Variants in VPS13B observed in about 807,000 individuals in gnomAD.
VPS13B encodes intermembrane lipid transfer protein VPS13B.
Under a neutral mutation model 426.4 loss-of-function variants are expected in VPS13B, and 285 were observed. That is an observed-to-expected ratio of 0.67 (90% CI 0.61 to 0.74). VPS13B has a LOEUF of 0.74. Among genes scored for constraint, VPS13B ranks in the 30% least tolerant of loss-of-function variants. The pLI is 0.00. For synonymous variants in VPS13B, 1,676 were observed against 1,676.4 expected (o/e 1.00, Z 0.01); for missense variants, 4,537 against 4,782.6 (o/e 0.95, Z 1.51).
intron 3 of VPS13B, among the ~76,000 whole-genome samples, chr8:99,089,246 G>T (rs926949387): frequency 6.6e-6 from 1 of 152,156 alleles, no homozygotes; most frequent in Non-Finnish European, 1.5e-5. Context: ...GTCTTTAGCA[G>T]TATGTGACAT....
At chr8:99,832,008 C>T (rs921600791) in intron 51 of VPS13B, among the ~76,000 whole-genome samples, 3 of 152,272 alleles carry the variant, frequency 2.0e-5, no homozygotes, top group Middle Eastern at 3.4e-3. Context: ...CGCCTGTAAT[C>T]CCAGCACTTT....
At chr8:99,377,774 A>G (rs1813566727) in intron 19 of VPS13B, among the ~76,000 whole-genome samples, 1 of 152,186 alleles carries the variant, frequency 6.6e-6, no homozygotes, top group South Asian at 2.1e-4. Context: ...CCTGAGCTGT[A>G]AAACCAGCAA....
chr8:99,720,737 T>G (rs1014029301), intron 38 of VPS13B, 126 bp from the exon 39 acceptor site: 2 of 1,119,084 alleles, frequency 1.8e-6, no homozygotes, highest in Non-Finnish European at 2.6e-6. Flanking sequence ...TGTTCCAGAA[T>G]ATATATAAAA....
rs757187342 is a variant in VPS13B at position 99,303,258 on chromosome 8, C to CAAAAAA, written c.2824+28020_2824+28025dup. On this transcript the variant is annotated intron_variant, in intron 19 of 61. Transcript: ENST00000357162. ...TTGCGCCACTGCACTCAGCCTGTCTCAAAAAAAAAAAAAAAAAAAAAGGAA... is the reference window on the plus strand; with the variant it reads ...TTGCGCCACTGCACTCAGCCTGTCTCAAAAAAAAAAAAAAAAAAAAAAAAAAAGGAA... Among the ~76,000 whole-genome samples, 250 of 56,930 alleles carry CAAAAAA rather than the reference C, an allele frequency of 4.4e-3. 7 individuals carry two copies. The highest frequency in any genetic ancestry group is 7.4e-3 in the African/African-American group (93 of 12,582). 37.3% of individuals were successfully genotyped at this position (56,930 alleles called of 152,430 possible).
At chr8:99,200,917 T>A (rs1164417691) in intron 17 of VPS13B, among the ~76,000 whole-genome samples, 1 of 152,120 alleles carries the variant, frequency 6.6e-6, no homozygotes, top group African/African-American at 2.4e-5. Flanking sequence ...CATTGGACCT[T>A]GTTATCATTT....
intron 17 of VPS13B, among the ~76,000 whole-genome samples, chr8:99,206,376 T>A (rs549325320): frequency 4.6e-5 from 7 of 152,300 alleles, no homozygotes; most frequent in African/African-American, 1.7e-4. Context: ...CAACATTTCA[T>A]GTGGGATACC....
intron 30 of VPS13B, among the ~76,000 whole-genome samples, chr8:99,544,285 G>A (rs1488350883): frequency 2.0e-5 from 3 of 152,094 alleles, no homozygotes; most frequent in African/African-American, 7.2e-5. Context: ...GACACAGGGT[G>A]GGGAACATCA....
chr8:99,641,771 T>C (rs768742591), intron 33 of VPS13B, 40 bp from the exon 34 acceptor site: 2 of 1,565,120 alleles, frequency 1.3e-6, no homozygotes, highest in Admixed American at 1.7e-5. Context: ...ACACTTGGCA[T>C]GTAACTAGTT....
At position 99,507,159 on chromosome 8, in the gene VPS13B, G is replaced by A; in HGVS notation, c.4180G>A (p.Gly1394Arg). Reference sequence around the variant, plus strand: ...CAGGCCAGGGGAAGGTTGGCAGTCAGGACATTTTGAAGGAGTATTTCTACA... The same window carrying A: ...CAGGCCAGGGGAAGGTTGGCAGTCAAGACATTTTGAAGGAGTATTTCTACA... ...RSRPGEGWQSGHFEGVFLQCK... is the reference protein window; with the variant it reads ...RSRPGEGWQSRHFEGVFLQCK... Residue 1394 changes from glycine (G) to arginine (R), a missense_variant, in exon 28 of 62, where the codon GGA becomes AGA. By Grantham distance (125) the Gly-to-Arg change is moderately radical (BLOSUM62 -2). This residue lies in a region of VPS13B where 4,311 missense variants were observed against 4,474.3 expected (regional missense o/e 0.96). Transcript: ENST00000357162. The A allele has an allele frequency of 6.2e-7, 1 of 1,613,974 alleles. No homozygotes were observed. The highest frequency in any genetic ancestry group is 1.1e-5 in the South Asian group (1 of 91,078).
intron 30 of VPS13B, among the ~76,000 whole-genome samples, chr8:99,541,812 T>C (rs977850510): frequency 6.6e-6 from 1 of 152,210 alleles, no homozygotes; most frequent in African/African-American, 2.4e-5. Flanking sequence ...TTCTCAGCTT[T>C]ATTAATTCCT....
chr8:99,836,444 T>G (rs1205680754), intron 54 of VPS13B, among the ~76,000 whole-genome samples: 1 of 105,928 alleles, frequency 9.4e-6, no homozygotes, highest in Non-Finnish European at 1.7e-5. Flanking sequence ...CATCCCCTGG[T>G]AGCTCTCTTC....
intron 33 of VPS13B, among the ~76,000 whole-genome samples, chr8:99,620,495 G>A (rs1828301280): frequency 6.6e-6 from 1 of 152,116 alleles, no homozygotes; most frequent in South Asian, 2.1e-4. Flanking sequence ...AATAAAGGGT[G>A]GGAGGGAAAG....
intron 12 of VPS13B, among the ~76,000 whole-genome samples, chr8:99,139,195 A>T (rs933045016): frequency 2.0e-5 from 3 of 152,172 alleles, no homozygotes; most frequent in African/African-American, 7.2e-5. Flanking sequence ...AGCATCCAGT[A>T]AGCCTCCTAT....
chr8:99,652,788 T>C (rs764081933), intron 34 of VPS13B, among the ~76,000 whole-genome samples: 1 of 152,176 alleles, frequency 6.6e-6, no homozygotes, highest in Non-Finnish European at 1.5e-5. Context: ...GTCATAATGA[T>C]CACACTCTGA....
In VPS13B at chr8:99,479,173, G is replaced by C. The variant is rs1464281907; in HGVS notation, c.3667-2426G>C. 2.0e-5 allele frequency among the ~76,000 whole-genome samples: 3 copies of C among 151,980 alleles called. No individual in the cohort carries two copies. In the East Asian group the frequency reaches 5.8e-4, roughly 29 times the overall value. ...CCTGCGCTTGGCTTTTGTTCATTCTGTATTTCTGAGTAGAATGACTTTGTA... is the reference window on the plus strand; with the variant it reads ...CCTGCGCTTGGCTTTTGTTCATTCTCTATTTCTGAGTAGAATGACTTTGTA... On this transcript the variant is annotated intron_variant, in intron 24 of 61. Coordinates refer to ENST00000357162, the MANE Select transcript of VPS13B (RefSeq NM_152564.5).
intron 35 of VPS13B, among the ~76,000 whole-genome samples, chr8:99,670,121 C>T (rs1308764708): frequency 1.3e-5 from 2 of 151,908 alleles, no homozygotes; most frequent in African/African-American, 4.8e-5. Flanking sequence ...GTTAACCCTG[C>T]TTTTATGTTA....
At chr8:99,758,505 G>T (rs1810753842) in intron 39 of VPS13B, among the ~76,000 whole-genome samples, 1 of 152,168 alleles carries the variant, frequency 6.6e-6, no homozygotes, top group African/African-American at 2.4e-5. Flanking sequence ...TGTTAAAGGA[G>T]GTAGCATTGT....
At chr8:99,616,633 C>G (rs1828103249) in intron 33 of VPS13B, among the ~76,000 whole-genome samples, 1 of 152,206 alleles carries the variant, frequency 6.6e-6, no homozygotes, top group Admixed American at 6.5e-5. Flanking sequence ...TGAGACCATC[C>G]TGGCCAACAT....
At chr8:99,302,733 T>G (rs575141211) in intron 19 of VPS13B, among the ~76,000 whole-genome samples, 1 of 152,222 alleles carries the variant, frequency 6.6e-6, no homozygotes, top group African/African-American at 2.4e-5. Flanking sequence ...GGTCTTGAAC[T>G]CCTGACCTCA....
Sources: gnomAD v4.1 joint callset for allele counts (sites outside exome capture counted in the v4.1 genomes callset) on GRCh38, gnomAD v4.1.1 for gene constraint, gnomAD v4.1.1 regional missense constraint, MANE v1.5 for transcripts, NCBI Gene and HGNC (gene_info 2026-07-23, HGNC 2026-07-21) for gene names.